Variants in XCR1 observed in about 807,000 individuals in gnomAD.
The protein encoded by XCR1 is X-C motif chemokine receptor 1.
For missense variants in XCR1, 356 were observed against 424.2 expected, an observed-to-expected ratio of 0.84 and a Z score of 1.41; for synonymous variants, 187 against 188.5, an observed-to-expected ratio of 0.99 and a Z score of 0.06.
At chr3:46,033,127 G>C (rs1000140690) in intron 5 of XCR1, among the ~76,000 whole-genome samples, 1 of 150,762 alleles carries the variant, frequency 6.6e-6, no homozygotes, top group Non-Finnish European at 1.5e-5. Flanking sequence ...GTTTTAAATT[G>C]TAATAAAGTC....
intron 5 of XCR1, among the ~76,000 whole-genome samples, chr3:46,047,317 C>G (rs1437976469): frequency 1.3e-5 from 2 of 152,130 alleles, no homozygotes; most frequent in Non-Finnish European, 2.9e-5. Context: ...GCCCAAGGCT[C>G]GGACAGATTA....
In XCR1 at chr3:46,021,553, A is replaced by G; in HGVS notation, c.395T>C (p.Val132Ala). 3.1e-6 allele frequency: 5 copies of G among 1,610,846 alleles called. No individual in the cohort carries two copies. Among genetic ancestry groups the G allele is most frequent in the South Asian group, 1.1e-5 (1 of 90,650 alleles). Residue 132 changes from valine (V) to alanine (A), a missense_variant, in exon 2 of 2, where the codon GTG becomes GCG. Physicochemically the swap from Val to Ala is moderately conservative, Grantham distance 64. Transcript: ENST00000309285. The surrounding 1 kb of genome is among the most constrained non-coding windows in gnomAD (Gnocchi z 4.7). Reference sequence around the variant, plus strand: ...GACGCGCAGGGTGGAGAGGGGGCTCACTACCGACAGGTAGCGGTGGATGGT... The same window carrying G: ...GACGCGCAGGGTGGAGAGGGGGCTCGCTACCGACAGGTAGCGGTGGATGGT... ...IMTIHRYLSV[V>A]SPLSTLRVPT...
At chr3:46,023,203 C>A in intron 1 of XCR1, 2 of 494,622 alleles carry the variant, frequency 4.0e-6, no homozygotes, top group Non-Finnish European at 7.1e-6. Flanking sequence ...GCTCCCTCTG[C>A]GCCCAGAGAG....
At chr3:46,085,610 T>C (rs780805004) in intron 1 of XCR1, among the ~76,000 whole-genome samples, 12 of 152,326 alleles carry the variant, frequency 7.9e-5, no homozygotes, top group East Asian at 3.9e-4. Context: ...ACTCCCAAGG[T>C]CAGGAGTCTG....
In XCR1 at chr3:46,076,231, T is replaced by C. The variant is rs79880237; in HGVS notation, c.-328+509A>G. ...ATGTGGTCCTACAATTTAGGCAAAT[T>C]TGAAAGATACCCTTGTCTCTACCAT... On this transcript the variant is annotated intron_variant, in intron 2 of 5. Transcript: ENST00000683768. Among the ~76,000 whole-genome samples, 58 of 152,216 alleles carry C rather than the reference T, an allele frequency of 3.8e-4. No individual in the cohort carries two copies. The East Asian group carries it at 8.7e-3, about 23-fold the overall frequency.
rs75520708 is a variant in XCR1, at chr3:46,020,594, A to T, written c.*352T>A. 6.1e-4 allele frequency: 169 copies of T among 276,736 alleles called. No homozygotes were observed. The highest frequency in any genetic ancestry group is 3.6e-3 in the African/African-American group (163 of 45,468). The allele number at this position is 276,736 out of a possible 1,614,324, so 17.1% of individuals were successfully genotyped here. On this transcript the variant is annotated 3_prime_UTR_variant, in exon 2 of 2. Coordinates refer to ENST00000309285, the MANE Select transcript of XCR1 (RefSeq NM_001024644.2). ...TATCACAATGAGCTTTAGGCCCTGT[A>T]AAGTCTCCAAGGAAGCACCTTTCCC... is the stretch of plus-strand genomic sequence containing the variant.
chr3:46,049,835 G>A (rs1366441017), intron 5 of XCR1, among the ~76,000 whole-genome samples: 2 of 152,174 alleles, frequency 1.3e-5, no homozygotes, highest in African/African-American at 4.8e-5. Flanking sequence ...TTTGTCTGAA[G>A]GGTAGTGGTT....
intron 1 of XCR1, chr3:46,023,404 G>T (rs1451498841): frequency 1.2e-5 from 18 of 1,467,920 alleles, no homozygotes; most frequent in Non-Finnish European, 1.7e-5. Flanking sequence ...TCACAAAAAG[G>T]CTGCGGCATA....
intron 5 of XCR1, among the ~76,000 whole-genome samples, chr3:46,053,642 GA>G (rs1411122603): frequency 6.6e-6 from 1 of 152,026 alleles, no homozygotes; most frequent in Non-Finnish European, 1.5e-5. Context: ...CCTTTTTGAT[GA>G]ACCTGTTTTA....
intron 2 of XCR1, among the ~76,000 whole-genome samples, chr3:46,076,184 T>C (rs1698257223): frequency 6.6e-6 from 1 of 152,190 alleles, no homozygotes; most frequent in Admixed American, 6.5e-5. Context: ...GACTTGGATT[T>C]TGTATGCAAA....
intron 1 of XCR1, among the ~76,000 whole-genome samples, chr3:46,077,596 T>C (rs1427656124): frequency 5.9e-5 from 9 of 152,198 alleles, no homozygotes; most frequent in Non-Finnish European, 1.2e-4. Context: ...CTCCTAGGTC[T>C]GTGGAAAAAT....
intron 5 of XCR1, among the ~76,000 whole-genome samples, chr3:46,046,764 G>T (rs969082010): frequency 3.9e-5 from 6 of 152,188 alleles, no homozygotes; most frequent in Non-Finnish European, 7.4e-5. Context: ...TCCAAGGGTT[G>T]AGGCTCTCCA....
chr3:46,028,792 A>C (rs1187218254), upstream of XCR1, among the ~76,000 whole-genome samples: 1 of 152,106 alleles, frequency 6.6e-6, no homozygotes. Flanking sequence ...GGGTCTCACT[A>C]TATTGCCCAG....
intron 3 of XCR1, among the ~76,000 whole-genome samples, chr3:46,071,338 C>CA (rs781749264): frequency 6.6e-6 from 1 of 151,346 alleles, no homozygotes; most frequent in Non-Finnish European, 1.5e-5. Flanking sequence ...TTTTAAGTTT[C>CA]AAAAAAAGGC....
At chr3:46,050,650 G>A (rs987409553) in intron 5 of XCR1, among the ~76,000 whole-genome samples, 1 of 152,178 alleles carries the variant, frequency 6.6e-6, no homozygotes, top group Non-Finnish European at 1.5e-5. Context: ...GGTAATGTGG[G>A]ACTGTTAAGC....
chr3:46,068,915 GA>G (rs937639917), intron 3 of XCR1, among the ~76,000 whole-genome samples: 2 of 152,000 alleles, frequency 1.3e-5, no homozygotes, highest in African/African-American at 4.8e-5. Context: ...CAGCTGAAAA[GA>G]ACAGTATAGT....
At chr3:46,084,622 T>C (rs1342599533) in intron 1 of XCR1, among the ~76,000 whole-genome samples, 1 of 152,260 alleles carries the variant, frequency 6.6e-6, no homozygotes, top group East Asian at 1.9e-4. Context: ...CCTTGCTTTC[T>C]TTTTGTCTTT....
At chr3:46,041,077 G>A (rs1481537468) in intron 5 of XCR1, among the ~76,000 whole-genome samples, 1 of 152,172 alleles carries the variant, frequency 6.6e-6, no homozygotes, top group Admixed American at 6.5e-5. Flanking sequence ...ATATTGAGCA[G>A]CGTATAGTTT....
intron 5 of XCR1, among the ~76,000 whole-genome samples, chr3:46,044,597 T>C (rs1697591694): frequency 6.6e-6 from 1 of 152,150 alleles, no homozygotes; most frequent in South Asian, 2.1e-4. Flanking sequence ...ATCAATAAAA[T>C]TGATTAATCT....
Sources: gnomAD v4.1 joint callset for allele counts (sites outside exome capture counted in the v4.1 genomes callset) on GRCh38, gnomAD v4.1.1 for gene constraint, Gnocchi (gnomAD v3.1) non-coding constraint, MANE v1.5 for transcripts, NCBI Gene and HGNC (gene_info 2026-07-23, HGNC 2026-07-21) for gene names.